The following NYAP2 variants were observed in gnomAD, a reference collection of about 807,000 sequenced individuals.
NYAP2 encodes neuronal tyrosine-phosphorylated phosphoinositide-3-kinase adapter 2.
NYAP2 carries 23 observed loss-of-function variants against 50.4 expected under a neutral mutation model. The ratio of observed to expected loss-of-function variants is 0.46; its 90% CI spans 0.33 to 0.65. NYAP2 has a LOEUF of 0.65. Ranked by LOEUF, NYAP2 falls within the 30% of genes least tolerant of loss-of-function variation. The pLI, the probability that NYAP2 is intolerant of heterozygous loss-of-function variation, is 0.02. For synonymous variants in NYAP2, 394 were observed against 365.2 expected, an observed-to-expected ratio of 1.08 and a Z score of -0.90; for missense variants, 885 against 861.0, an observed-to-expected ratio of 1.03 and a Z score of -0.35.
chr2:225,588,300 A>T (rs1329276069), intron 5 of NYAP2, among the ~76,000 whole-genome samples: 2 of 152,022 alleles, frequency 1.3e-5, no homozygotes, highest in African/African-American at 2.4e-5. Context: ...GATCTGATGA[A>T]ATAGAATTAG....
At chr2:225,525,255 C>A (rs1691131514) in intron 4 of NYAP2, among the ~76,000 whole-genome samples, 1 of 152,124 alleles carries the variant, frequency 6.6e-6, no homozygotes, top group African/African-American at 2.4e-5. Context: ...GGAAAGAAAC[C>A]ATTTCATCAA....
intron 5 of NYAP2, among the ~76,000 whole-genome samples, chr2:225,588,920 T>C (rs185157527): frequency 1.7e-3 from 260 of 152,196 alleles, no homozygotes; most frequent in Non-Finnish European, 2.6e-3. Flanking sequence ...ATTGTAGACC[T>C]GAAGTGCCAT....
the NYAP2 span, among the ~76,000 whole-genome samples, chr2:225,668,309 A>C: frequency 6.6e-6 from 1 of 152,146 alleles, no homozygotes; most frequent in Non-Finnish European, 1.5e-5. Flanking sequence ...CTTCTCCAAG[A>C]GTCACACAGC....
At chr2:225,624,895 G>A (rs1693182255) in intron 5 of NYAP2, among the ~76,000 whole-genome samples, 1 of 151,868 alleles carries the variant, frequency 6.6e-6, no homozygotes, top group South Asian at 2.1e-4. Flanking sequence ...CAGTTGCAAA[G>A]CTGAGGCCTC....
the NYAP2 span, among the ~76,000 whole-genome samples, chr2:225,689,624 A>G: frequency 6.6e-6 from 1 of 152,294 alleles, no homozygotes; most frequent in African/African-American, 2.4e-5. Context: ...TAAATACTGC[A>G]ATTCCAGTAC....
rs1306461236 is a variant in NYAP2 at position 225,425,102 on chromosome 2, CAG to C, written c.221+16003_221+16004del. Among the ~76,000 whole-genome samples, 5 of 151,918 alleles carry C rather than the reference CAG, an allele frequency of 3.3e-5. No individual in the cohort carries two copies. The South Asian group carries it at 1.0e-3, about 32-fold the overall frequency. On this transcript the variant is annotated intron_variant, in intron 3 of 6. Coordinates refer to ENST00000636099, the Ensembl canonical transcript of NYAP2. The stretch of plus-strand genomic sequence containing the variant: ...AAATAGAGCTTTCAGAAAAAGGAGA[CAG>C]AAACATTTAAGGTCCCTAGCACACT...
At chr2:225,410,272 A>T (rs1183318891) in intron 3 of NYAP2, among the ~76,000 whole-genome samples, 2 of 152,124 alleles carry the variant, frequency 1.3e-5, no homozygotes, top group African/African-American at 4.8e-5. Context: ...TATCAGGTAT[A>T]GAAATTGCAT....
At chr2:225,644,244 G>A (rs1387197035) in intron 6 of NYAP2, among the ~76,000 whole-genome samples, 2 of 152,156 alleles carry the variant, frequency 1.3e-5, no homozygotes, top group Non-Finnish European at 2.9e-5. Flanking sequence ...GCCTTCTTTT[G>A]AGAAGTGTCT....
intron 5 of NYAP2, among the ~76,000 whole-genome samples, chr2:225,622,125 A>G (rs1246181913): frequency 1.3e-5 from 2 of 152,088 alleles, no homozygotes; most frequent in African/African-American, 2.4e-5. Context: ...TCGACCTCCC[A>G]AGGCTCAAAC....
intron 6 of NYAP2, among the ~76,000 whole-genome samples, chr2:225,632,434 AC>A (rs1427385636): frequency 6.6e-6 from 1 of 152,052 alleles, no homozygotes; most frequent in African/African-American, 2.4e-5. Flanking sequence ...ACAAACTTCT[AC>A]CAGTCACAGG....
chr2:225,430,132 T>A (rs560969872), intron 3 of NYAP2, among the ~76,000 whole-genome samples: 1 of 152,344 alleles, frequency 6.6e-6, no homozygotes, highest in Non-Finnish European at 1.5e-5. Context: ...TCCCTTATTT[T>A]TCTTCTTTTA....
intron 4 of NYAP2, among the ~76,000 whole-genome samples, chr2:225,548,721 G>C (rs1691624209): frequency 6.6e-6 from 1 of 151,984 alleles, no homozygotes; most frequent in African/African-American, 2.4e-5. Context: ...ACAAGAAAAA[G>C]GTTCTACATT....
At chr2:225,586,275 A>C (rs1342471772) in intron 5 of NYAP2, among the ~76,000 whole-genome samples, 1 of 152,226 alleles carries the variant, frequency 6.6e-6, no homozygotes, top group Non-Finnish European at 1.5e-5. Flanking sequence ...ATAGAGAAGA[A>C]ATAAAATAAG....
chr2:225,505,638 A>C (rs1435944383), intron 3 of NYAP2, among the ~76,000 whole-genome samples: 1 of 152,298 alleles, frequency 6.6e-6, no homozygotes, highest in African/African-American at 2.4e-5. Context: ...CACCAGATGC[A>C]TTTTCTGATA....
At chr2:225,569,429 G>A (rs1574683504) in intron 4 of NYAP2, among the ~76,000 whole-genome samples, 1 of 151,600 alleles carries the variant, frequency 6.6e-6, no homozygotes, top group East Asian at 1.9e-4. Context: ...TTGAGAGAAA[G>A]GAGGAGTGAG....
intron 3 of NYAP2, among the ~76,000 whole-genome samples, chr2:225,409,637 A>G (rs142856707): frequency 5.4e-3 from 824 of 152,188 alleles, no homozygotes; most frequent in Middle Eastern, 0.017. Context: ...AAGTGCCACA[A>G]GTTTGTTCAA....
intron 4 of NYAP2, among the ~76,000 whole-genome samples, chr2:225,520,264 C>T (rs1245976910): frequency 6.6e-6 from 1 of 152,006 alleles, no homozygotes; most frequent in Admixed American, 6.6e-5. Context: ...TGTGCAGAAG[C>T]TCTTTAGTTT....
chr2:225,582,457 C>A lies in NYAP2; in HGVS notation c.1040C>A (p.Ser347Tyr). Residue 347 changes from serine to tyrosine, a missense_variant, in exon 5 of 7, where the codon TCC (serine) becomes TAC (tyrosine). Coordinates refer to ENST00000636099, the Ensembl canonical transcript of NYAP2. The surrounding 1 kb of genome is among the most constrained non-coding windows in gnomAD (Gnocchi z 7.0). ...TTTCCCCCCGCCCCCGTGCATTGCT[C>A]CCCCAACTCCGACGAGTCCCCGCTT... is the stretch of plus-strand genomic sequence containing the variant. The A allele has an allele frequency of 2.6e-6, 3 of 1,164,034 alleles. No homozygotes were observed. Among genetic ancestry groups the A allele is most frequent in the South Asian group, 1.3e-5 (1 of 77,476 alleles). The allele number at this position is 1,164,034 out of a possible 1,614,324, so 72.1% of individuals were successfully genotyped here. A position where few individuals can be genotyped will look rare whatever the true frequency, so the allele number is the denominator to read the frequency against.
chr2:225,629,953 G>A (rs914615348), intron 6 of NYAP2, among the ~76,000 whole-genome samples: 2 of 152,192 alleles, frequency 1.3e-5, no homozygotes, highest in African/African-American at 4.8e-5. Context: ...AAATCAGTTA[G>A]TTCTTCCTGG....
Sources: gnomAD v4.1 joint callset for allele counts (sites outside exome capture counted in the v4.1 genomes callset) on GRCh38, gnomAD v4.1.1 for gene constraint, Gnocchi (gnomAD v3.1) non-coding constraint, MANE v1.5 for transcripts, NCBI Gene and HGNC (gene_info 2026-07-23, HGNC 2026-07-21) for gene names.